TTPA: variants seen among roughly 807,000 people sequenced by gnomAD.
TTPA encodes alpha tocopherol transfer protein.
TTPA carries 23 observed loss-of-function variants against 25.9 expected under a neutral mutation model. The ratio of observed to expected loss-of-function variants is 0.89; its 90% CI spans 0.64 to 1.26. TTPA has a LOEUF of 1.26. Among genes scored for constraint, TTPA ranks in the 50% most tolerant of loss-of-function variants. The pLI is 0.00. For missense variants in TTPA, 337 were observed against 353.1 expected (o/e 0.95, Z 0.37); for synonymous variants, 148 against 137.3 (o/e 1.08, Z -0.54).
chr8:63,059,685 T>C lies in TTPA; in HGVS notation c.*1567A>G, dbSNP rs1464951438. ...AACTTATGTCATAAATTGAGGGCTA[T>C]GTTGAATTTGAAAGCTGAGATGATA... On this transcript the variant is annotated 3_prime_UTR_variant, in exon 5 of 5. Transcript: ENST00000260116. 1.3e-5 allele frequency: 2 copies of C among 152,168 alleles called. No homozygotes were observed. Among genetic ancestry groups the C allele is most frequent in the Non-Finnish European group, 2.9e-5 (2 of 68,024 alleles). 9.4% of individuals were successfully genotyped at this position (152,168 alleles called of 1,614,324 possible).
At chr8:63,083,043 T>A (rs1805689094) in intron 1 of TTPA, among the ~76,000 whole-genome samples, 1 of 152,132 alleles carries the variant, frequency 6.6e-6, no homozygotes, top group African/African-American at 2.4e-5. Context: ...TTAGTGGGAG[T>A]GTAAATTAGT....
intron 4 of TTPA, among the ~76,000 whole-genome samples, chr8:63,062,468 T>A (rs1805323115): frequency 6.6e-6 from 1 of 152,208 alleles, no homozygotes; most frequent in South Asian, 2.1e-4. Flanking sequence ...ATGGATGAAA[T>A]GAGTTTCCTA....
intron 2 of TTPA, among the ~76,000 whole-genome samples, chr8:63,068,238 A>G (rs7818582): frequency 0.097 from 14,742 of 152,226 alleles, 1,066 homozygotes; most frequent in East Asian, 0.42. Context: ...AGATGAAGTA[A>G]CATAAAAAGA....
At chr8:63,068,748 G>T (rs1805436682) in intron 2 of TTPA, among the ~76,000 whole-genome samples, 1 of 152,128 alleles carries the variant, frequency 6.6e-6, no homozygotes, top group Non-Finnish European at 1.5e-5. Context: ...GAAAAAGAAA[G>T]AATAAACAGA....
At position 63,060,860 on chromosome 8, in the gene TTPA, T is replaced by C. The variant is rs1358255271; in HGVS notation, c.*392A>G. 5.6e-6 allele frequency: 1 copy of C among 180,014 alleles called. No homozygotes were observed. The highest frequency in any genetic ancestry group is 1.2e-5 in the Non-Finnish European group (1 of 83,788). 11.2% of individuals were successfully genotyped at this position (180,014 alleles called of 1,614,324 possible). A position where few individuals can be genotyped will look rare whatever the true frequency, so the allele number is the denominator to read the frequency against. On this transcript the variant is annotated 3_prime_UTR_variant, in exon 5 of 5. Transcript: ENST00000260116. Reference sequence around the variant, plus strand: ...TTTTTTATCATTAGCTGACTTGTGCTAGTATTTTTAAGCGGAATATTTCTA... The same window carrying C: ...TTTTTTATCATTAGCTGACTTGTGCCAGTATTTTTAAGCGGAATATTTCTA...
chr8:63,064,317 C>A lies in TTPA; in HGVS notation c.553-1G>T, dbSNP rs2129741848. On this transcript the variant is annotated splice_acceptor_variant, in intron 3 of 4. Coordinates refer to ENST00000260116, the MANE Select transcript of TTPA (RefSeq NM_000370.3). LOFTEE classifies it high-confidence loss of function. ...CACGAACTTTCAATGGAAATGAATC[C>A]TTTTGAAAATAAAAAAATCTTAATA... 1 of 1,601,658 alleles carries A rather than the reference C, an allele frequency of 6.2e-7. No individual in the cohort carries two copies. Among genetic ancestry groups the A allele is most frequent in the Non-Finnish European group, 8.5e-7 (1 of 1,170,276 alleles).
chr8:63,066,618 G>A (rs1336720254), intron 2 of TTPA, among the ~76,000 whole-genome samples: 8 of 152,044 alleles, frequency 5.3e-5, no homozygotes, highest in Non-Finnish European at 1.2e-4. Context: ...GAAGAGCCAC[G>A]GAAGCACTTA....
At chr8:63,069,316 A>C (rs75483216) in intron 2 of TTPA, among the ~76,000 whole-genome samples, 2,577 of 152,094 alleles carry the variant, frequency 0.017, 78 homozygotes, top group African/African-American at 0.059. Flanking sequence ...GAACATATGA[A>C]GTTTGCCAAT....
rs1554524625 is a variant in TTPA, at chr8:63,080,737, A to AT, written c.204+5080_204+5081insA. ...TCCGTATCAAAAAAAAAAAAAAAAT[A>AT]AATAATAATAATAATAAAGAAGAAA... is the stretch of plus-strand genomic sequence containing the variant. On this transcript the variant is annotated intron_variant, in intron 1 of 4. Transcript: ENST00000260116. 3.8e-3 allele frequency among the ~76,000 whole-genome samples: 498 copies of AT among 132,796 alleles called. 4 individuals are homozygous for AT. Among genetic ancestry groups the AT allele is most frequent in the Middle Eastern group, 0.015 (4 of 264 alleles). The allele number at this position is 132,796 out of a possible 152,430, so 87.1% of individuals were successfully genotyped here. A position where few individuals can be genotyped will look rare whatever the true frequency, so the allele number is the denominator to read the frequency against.
At chr8:63,068,667 A>G (rs7819218) in intron 2 of TTPA, among the ~76,000 whole-genome samples, 6,521 of 152,244 alleles carry the variant, frequency 0.043, 204 homozygotes, top group African/African-American at 0.081. Context: ...TTTTGTTTTT[A>G]GTGGCTGGCC....
At chr8:63,063,163 TA>T (rs570500548) in intron 4 of TTPA, among the ~76,000 whole-genome samples, 55 of 152,356 alleles carry the variant, frequency 3.6e-4, no homozygotes, top group African/African-American at 1.3e-3. Flanking sequence ...TTTTTAGATT[TA>T]AACTGTTAAA....
intron 3 of TTPA, 131 bp from the exon 4 acceptor site, chr8:63,064,447 T>G: frequency 1.5e-6 from 1 of 662,496 alleles, no homozygotes. Flanking sequence ...TCTTCAAAAT[T>G]ATTTATTCCA....
At chr8:63,080,719 CA>C (rs764937720) in intron 1 of TTPA, among the ~76,000 whole-genome samples, 7,095 of 69,850 alleles carry the variant, frequency 0.1, 281 homozygotes, top group African/African-American at 0.18. Context: ...GACTCCGTAT[CA>C]AAAAAAAAAA....
At chr8:63,070,352 T>C (rs536014495) in intron 2 of TTPA, among the ~76,000 whole-genome samples, 2 of 152,214 alleles carry the variant, frequency 1.3e-5, no homozygotes, top group Non-Finnish European at 2.9e-5. Flanking sequence ...CATTTTCTCA[T>C]TGCTTTTACT....
intron 3 of TTPA, among the ~76,000 whole-genome samples, chr8:63,065,012 C>T (rs1043628807): frequency 2.0e-5 from 3 of 152,068 alleles, no homozygotes; most frequent in East Asian, 3.8e-4. Context: ...ATTTTCATCC[C>T]GTTGTGTTCC....
At position 63,080,727 on chromosome 8, in the gene TTPA, A is replaced by AT. The variant is rs1289777431; in HGVS notation, c.204+5090_204+5091insA. Among the ~76,000 whole-genome samples the AT allele has an allele frequency of 3.1e-3, 455 of 148,212 alleles. 3 individuals are homozygous for AT. Among genetic ancestry groups the AT allele is most frequent in the African/African-American group, 0.011 (437 of 40,110 alleles). On this transcript the variant is annotated intron_variant, in intron 1 of 4. Coordinates refer to ENST00000260116, the MANE Select transcript of TTPA (RefSeq NM_000370.3). ...AGAGCGAGACTCCGTATCAAAAAAA[A>AT]AAAAAAAATAAATAATAATAATAAT...
rs530604770 is a variant in TTPA at position 63,068,485 on chromosome 8, A to G, written c.359-2388T>C. ...TGTCCATTAAATGTGGTAAAAAGAA[A>G]GTCAATAATGGTTGGTTACATTCAT... On this transcript the variant is annotated intron_variant, in intron 2 of 4. Coordinates refer to ENST00000260116, the MANE Select transcript of TTPA (RefSeq NM_000370.3). Among the ~76,000 whole-genome samples the G allele has an allele frequency of 5.9e-5, 9 of 152,346 alleles. No individual in the cohort carries two copies. The South Asian group carries it at 1.9e-3, about 32-fold the overall frequency.
rs781750837 is a variant in TTPA at position 63,085,950 on chromosome 8, C to A, written c.72G>T (p.Leu24=). 6.6e-7 allele frequency: 1 copy of A among 1,525,118 alleles called. No individual in the cohort carries two copies. Among genetic ancestry groups the A allele is most frequent in the Non-Finnish European group, 8.7e-7 (1 of 1,144,202 alleles). The allele number at this position is 1,525,118 out of a possible 1,614,324, so 94.5% of individuals were successfully genotyped here. ...LNALPDHSPL[L]QPGLAALRRR... is the part of the protein sequence containing the mutation. ...GCCGCAGCGCCGCCAGGCCCGGCTG[C>A]AGCAACGGAGAGTGGTCCGGTAGCG... The change falls in exon 1 of 5, where the codon CTG becomes CTT. Residue 24 remains leucine, a synonymous_variant. Transcript: ENST00000260116.
downstream of TTPA, among the ~76,000 whole-genome samples, chr8:63,058,884 AG>A (rs1381255017): frequency 6.6e-6 from 1 of 152,116 alleles, no homozygotes; most frequent in East Asian, 1.9e-4. Flanking sequence ...GGTAAGCCAG[AG>A]GTTTTTTGTT....
Sources: gnomAD v4.1 joint callset for allele counts (sites outside exome capture counted in the v4.1 genomes callset) on GRCh38, gnomAD v4.1.1 for gene constraint, MANE v1.5 for transcripts, NCBI Gene and HGNC (gene_info 2026-07-23, HGNC 2026-07-21) for gene names.